CIMIP3: variants seen among roughly 807,000 people sequenced by gnomAD.
CIMIP3 encodes GUCA1A neighbor.
At chr6:42,155,557 T>C in the CIMIP3 span, 227 of 717,272 alleles carry the variant, frequency 3.2e-4, no homozygotes, top group Non-Finnish European at 5.6e-4. Context: ...GGAAAGAGCA[T>C]GAAAGCCCCA....
chr6:42,156,720 A>G, the CIMIP3 span, among the ~76,000 whole-genome samples: 2 of 152,214 alleles, frequency 1.3e-5, no homozygotes, highest in Non-Finnish European at 2.9e-5. Flanking sequence ...GGTGAATTAG[A>G]TAGCCTTATT....
At chr6:42,157,605 A>G in the CIMIP3 span, among the ~76,000 whole-genome samples, 385 of 147,812 alleles carry the variant, frequency 2.6e-3, 1 homozygote, top group Non-Finnish European at 4.3e-3. Flanking sequence ...GGCCAGGTTG[A>G]TCTTGAACTC....
chr6:42,163,008 C>A, the CIMIP3 span: 1 of 716,844 alleles, frequency 1.4e-6, no homozygotes, highest in South Asian at 1.5e-5. Context: ...CGGCCCCGGG[C>A]GTGGAAGCAG....
chr6:42,162,284 G>T, the CIMIP3 span, among the ~76,000 whole-genome samples: 4 of 149,890 alleles, frequency 2.7e-5, no homozygotes, highest in Admixed American at 6.7e-5. Flanking sequence ...CGTGGTGGCG[G>T]GTGCCTGTAA....
At chr6:42,155,900 T>C in the CIMIP3 span, among the ~76,000 whole-genome samples, 1 of 152,176 alleles carries the variant, frequency 6.6e-6, no homozygotes, top group African/African-American at 2.4e-5. Context: ...CCCTATGAGG[T>C]AGAGCTCTTG....
chr6:42,161,637 T>C, the CIMIP3 span, among the ~76,000 whole-genome samples: 33 of 152,132 alleles, frequency 2.2e-4, no homozygotes, highest in Non-Finnish European at 1.9e-4. Flanking sequence ...TAGACCCCAA[T>C]AAGTAATCAA....
chr6:42,163,032 C>T, the CIMIP3 span: 4 of 717,424 alleles, frequency 5.6e-6, no homozygotes, highest in Non-Finnish European at 1.0e-5. Context: ...CTCGAGCAGT[C>T]TCTGGCAGCA....
chr6:42,161,780 C>T, the CIMIP3 span, among the ~76,000 whole-genome samples: 51 of 152,080 alleles, frequency 3.4e-4, 1 homozygote, highest in Admixed American at 1.6e-3. Flanking sequence ...GAATTCAGTT[C>T]AATTGATCCA....
the CIMIP3 span, among the ~76,000 whole-genome samples, chr6:42,161,098 G>A: frequency 6.6e-6 from 1 of 152,336 alleles, no homozygotes; most frequent in South Asian, 2.1e-4. Context: ...TGAGGCAGGA[G>A]AATTGCTTGA....
the CIMIP3 span, among the ~76,000 whole-genome samples, chr6:42,156,677 G>A: frequency 6.6e-6 from 1 of 152,184 alleles, no homozygotes; most frequent in Non-Finnish European, 1.5e-5. Context: ...TGCCTTTACC[G>A]TTCCCAGCAC....
the CIMIP3 span, among the ~76,000 whole-genome samples, chr6:42,160,560 G>A: frequency 2.6e-5 from 4 of 152,182 alleles, no homozygotes; most frequent in African/African-American, 9.7e-5. Context: ...ACTGCAGCAA[G>A]CGGTCCCAGT....
the CIMIP3 span, among the ~76,000 whole-genome samples, chr6:42,159,920 T>C: frequency 6.6e-6 from 1 of 152,226 alleles, no homozygotes; most frequent in Non-Finnish European, 1.5e-5. Context: ...AAAGGGTTAA[T>C]GTGAGGATTA....
chr6:42,157,657 T>C, the CIMIP3 span, among the ~76,000 whole-genome samples: 20 of 152,102 alleles, frequency 1.3e-4, no homozygotes, highest in African/African-American at 4.8e-4. Context: ...CCCAAAGTGC[T>C]AGGATTATAG....
chr6:42,156,439 G>A, the CIMIP3 span, among the ~76,000 whole-genome samples: 4 of 151,556 alleles, frequency 2.6e-5, no homozygotes, highest in African/African-American at 2.4e-5. Flanking sequence ...GTGAGCCACC[G>A]GGCCCTGCAG....
At chr6:42,158,544 G>C in the CIMIP3 span, among the ~76,000 whole-genome samples, 2 of 152,222 alleles carry the variant, frequency 1.3e-5, no homozygotes, top group African/African-American at 4.8e-5. Flanking sequence ...CCAGGGCCTG[G>C]GCTAGGGCAG....
the CIMIP3 span, among the ~76,000 whole-genome samples, chr6:42,159,975 G>A: frequency 6.6e-6 from 1 of 152,094 alleles, no homozygotes; most frequent in Admixed American, 6.6e-5. Context: ...GCTACAGACT[G>A]AAGTGGAAAA....
chr6:42,162,001 G>A, the CIMIP3 span, among the ~76,000 whole-genome samples: 11 of 151,796 alleles, frequency 7.2e-5, no homozygotes, highest in South Asian at 1.0e-3. Flanking sequence ...TGGAAGTACC[G>A]GATGTGAGCA....
chr6:42,156,047 G>A, the CIMIP3 span, among the ~76,000 whole-genome samples: 460 of 151,436 alleles, frequency 3.0e-3, 1 homozygote, highest in African/African-American at 0.01. Context: ...AGGCTGGAGT[G>A]CAGTGGCACA....
At chr6:42,157,560 T>TTC in the CIMIP3 span, among the ~76,000 whole-genome samples, 1 of 151,730 alleles carries the variant, frequency 6.6e-6, no homozygotes, top group East Asian at 1.9e-4. Flanking sequence ...TTTTTTCTTT[T>TTC]TTTTTTTTTA....
Sources: gnomAD v4.1 joint callset for allele counts (sites outside exome capture counted in the v4.1 genomes callset) on GRCh38, gnomAD v4.1.1 for gene constraint, MANE v1.5 for transcripts, NCBI Gene and HGNC (gene_info 2026-07-23, HGNC 2026-07-21) for gene names.